ANK2: variants seen among roughly 807,000 people sequenced by gnomAD.
The protein encoded by ANK2 is ankyrin 2.
Under a neutral mutation model 360.5 loss-of-function variants are expected in ANK2, and 83 were observed. The ratio of observed to expected loss-of-function variants is 0.23; its 90% CI spans 0.19 to 0.28. The LOEUF is 0.28. Ranked by LOEUF, ANK2 falls within the 10% of genes least tolerant of loss-of-function variation. The pLI, the probability that ANK2 is intolerant of heterozygous loss-of-function variation, is 1.00. For synonymous variants in ANK2, 1,740 were observed against 1,759.5 expected (o/e 0.99, Z 0.28); for missense variants, 4,201 against 4,795.7 (o/e 0.88, Z 3.66).
chr4:112,809,103 C>T, the ANK2 span, among the ~76,000 whole-genome samples: 6 of 151,754 alleles, frequency 4.0e-5, no homozygotes, highest in Admixed American at 2.6e-4. Flanking sequence ...AGGTAATCCA[C>T]CCACCTCAGC....
At chr4:112,923,621 T>C (rs372755245) in intron 2 of ANK2, among the ~76,000 whole-genome samples, 19 of 152,326 alleles carry the variant, frequency 1.2e-4, no homozygotes, top group African/African-American at 3.6e-4. Context: ...ATTAGAATGT[T>C]CATTTTAAGT....
intron 7 of ANK2, 39 bp downstream of exon 7, chr4:113,237,661 T>C (rs1359253395): frequency 9.0e-6 from 14 of 1,554,688 alleles, no homozygotes; most frequent in Non-Finnish European, 1.2e-5. Context: ...ACCTTGTCTT[T>C]ATTTTTAGTT....
intron 4 of ANK2, among the ~76,000 whole-genome samples, chr4:113,216,764 G>A (rs1042773293): frequency 5.3e-5 from 8 of 152,090 alleles, no homozygotes; most frequent in Non-Finnish European, 1.2e-4. Flanking sequence ...AGCATACTTA[G>A]GTCCTTTTAA....
chr4:113,062,076 G>A (rs977706063), intron 1 of ANK2, among the ~76,000 whole-genome samples: 13 of 151,998 alleles, frequency 8.6e-5, no homozygotes, highest in African/African-American at 2.4e-5. Flanking sequence ...ATTATACACT[G>A]TCTTCATTCT....
chr4:113,124,814 A>G lies in ANK2; in HGVS notation c.85-49602A>G, dbSNP rs188989039. Among the ~76,000 whole-genome samples the G allele has an allele frequency of 5.4e-3, 818 of 152,258 alleles. 6 individuals carry two copies. The highest frequency in any genetic ancestry group is 9.6e-3 in the Non-Finnish European group (653 of 68,022). ...TCATAGGGGAACACCTCAACAGAAAACAATGTAAGTAGTATTAAGGAAGAG... is the reference window on the plus strand; with the variant it reads ...TCATAGGGGAACACCTCAACAGAAAGCAATGTAAGTAGTATTAAGGAAGAG... On this transcript the variant is annotated intron_variant, in intron 1 of 45. Coordinates refer to ENST00000357077, the MANE Select transcript of ANK2 (RefSeq NM_001148.6).
At position 113,370,976 on chromosome 4, in the gene ANK2, CTTAAT is replaced by C. The variant is rs1461678498; in HGVS notation, c.11610+1177_11610+1181del. On this transcript the variant is annotated intron_variant, in intron 43 of 45. Coordinates refer to ENST00000357077, the MANE Select transcript of ANK2 (RefSeq NM_001148.6). ...AGTATGAGAATCTGTTTGAATTAAA[CTTAAT>C]TTAATATGAATTAAACTTAATTTAA... Among the ~76,000 whole-genome samples the C allele has an allele frequency of 3.3e-5, 5 of 152,044 alleles. No homozygotes were observed. In the East Asian group the frequency reaches 9.7e-4, roughly 29 times the overall value.
Position 113,355,584 on chromosome 4 carries a change from A to G in ANK2, c.6966A>G (p.Lys2322=). ...GCTCTCCCAAAGACACAAGCCCTAA[A>G]AGACAAGATGATTGCACAGGCAGCT... The part of the protein sequence containing the change: ...TLGSPKDTSP[K]RQDDCTGSCS... The change falls in exon 38 of 46, where the codon AAA becomes AAG. Residue 2322 remains lysine (K), a synonymous_variant. Transcript: ENST00000357077. 1 of 1,614,094 alleles carries G rather than the reference A, an allele frequency of 6.2e-7. No homozygotes were observed. Among genetic ancestry groups the G allele is most frequent in the Non-Finnish European group, 8.5e-7 (1 of 1,179,960 alleles).
At position 113,332,023 on chromosome 4, in the gene ANK2, G is replaced by A; in HGVS notation, c.3177G>A (p.Leu1059=). 1.2e-6 allele frequency: 2 copies of A among 1,614,124 alleles called. No homozygotes were observed. The highest frequency in any genetic ancestry group is 2.2e-5 in the South Asian group (2 of 91,078). The part of the protein sequence containing the change: ...APPPLNEGES[L]VSRILQLGPP... ...CCCCACTTAATGAGGGAGAAAGTTT[G>A]GTCAGCCGCATTCTTCAGCTGGGGC... Residue 1059 remains leucine, a synonymous_variant, in exon 28 of 46, where the codon TTG becomes TTA. Transcript: ENST00000357077.
intron 14 of ANK2, among the ~76,000 whole-genome samples, chr4:113,267,068 C>T (rs2056457787): frequency 6.6e-6 from 1 of 152,174 alleles, no homozygotes; most frequent in African/African-American, 2.4e-5. Flanking sequence ...AGTGTCTGTT[C>T]ATATCCTTCG....
chr4:113,011,315 G>T (rs1334883548), intron 2 of ANK2, among the ~76,000 whole-genome samples: 1 of 152,030 alleles, frequency 6.6e-6, no homozygotes, highest in Admixed American at 6.6e-5. Flanking sequence ...TATTTGTAGG[G>T]GAGGTGAAAT....
intron 4 of ANK2, among the ~76,000 whole-genome samples, chr4:113,210,636 A>G (rs774478451): frequency 1.6e-4 from 24 of 152,238 alleles, no homozygotes; most frequent in Non-Finnish European, 5.9e-5. Flanking sequence ...CAATTTGCTT[A>G]TCTGTAAAAC....
chr4:113,065,523 C>G (rs2154337060), intron 1 of ANK2, among the ~76,000 whole-genome samples: 1 of 152,286 alleles, frequency 6.6e-6, no homozygotes, highest in African/African-American at 2.4e-5. Flanking sequence ...CCAAAGAAGT[C>G]AAGCACCTTG....
intron 2 of ANK2, among the ~76,000 whole-genome samples, chr4:113,026,322 C>T (rs987710400): frequency 2.0e-5 from 3 of 152,086 alleles, no homozygotes; most frequent in Non-Finnish European, 2.9e-5. Context: ...AACCCAAACC[C>T]CAACCATGTG....
chr4:112,943,799 G>T (rs576240603), intron 2 of ANK2, among the ~76,000 whole-genome samples: 2 of 151,986 alleles, frequency 1.3e-5, no homozygotes, highest in African/African-American at 2.4e-5. Flanking sequence ...TAAACATTTG[G>T]GGGAGAGGGT....
At chr4:112,732,374 G>C in the ANK2 span, among the ~76,000 whole-genome samples, 1 of 147,096 alleles carries the variant, frequency 6.8e-6, no homozygotes, top group Non-Finnish European at 1.5e-5. Flanking sequence ...TCCTGTTCCC[G>C]AGTAGCTACA....
intron 1 of ANK2, among the ~76,000 whole-genome samples, chr4:113,148,505 T>G (rs1349458319): frequency 6.6e-6 from 1 of 152,202 alleles, no homozygotes; most frequent in Non-Finnish European, 1.5e-5. Context: ...TAGTAGAGAT[T>G]TTCAGGTTTT....
chr4:112,854,986 A>G (rs1402039887), intron 1 of ANK2, among the ~76,000 whole-genome samples: 1 of 152,232 alleles, frequency 6.6e-6, no homozygotes, highest in Non-Finnish European at 1.5e-5. Context: ...ACCACAAAAC[A>G]GTTTAGTTTA....
chr4:113,218,567 CTATATT>C (rs759124140), intron 4 of ANK2, among the ~76,000 whole-genome samples: 28 of 152,024 alleles, frequency 1.8e-4, no homozygotes, highest in Non-Finnish European at 2.2e-4. Flanking sequence ...CTGCTACCAT[CTATATT>C]TATTAACAAA....
intron 10 of ANK2, among the ~76,000 whole-genome samples, chr4:113,255,215 A>AAGG (rs765326668): frequency 1.3e-5 from 2 of 152,232 alleles, no homozygotes; most frequent in Non-Finnish European, 2.9e-5. Context: ...CAATTCAAGT[A>AAGG]GTCTCCTAAT....
Sources: gnomAD v4.1 joint callset for allele counts (sites outside exome capture counted in the v4.1 genomes callset) on GRCh38, gnomAD v4.1.1 for gene constraint, MANE v1.5 for transcripts, NCBI Gene and HGNC (gene_info 2026-07-23, HGNC 2026-07-21) for gene names.